IL1RAPL2: variants seen among roughly 807,000 people sequenced by gnomAD.
The protein encoded by IL1RAPL2 is interleukin 1 receptor accessory protein like 2.
In IL1RAPL2, 3 loss-of-function variants were observed where a neutral mutation model predicts 44.1. The observed-to-expected ratio is 0.07, with a 90% CI of 0.03 to 0.18. IL1RAPL2 has a LOEUF of 0.18. IL1RAPL2 is among the 10% of genes least tolerant of loss of function. The probability of loss-of-function intolerance (pLI) is 1.00; values close to 1 mark genes in which losing one functional copy is unlikely to be tolerated. For missense variants in IL1RAPL2, 391 were observed against 496.4 expected (o/e 0.79, Z 2.02); for synonymous variants, 181 against 178.8 (o/e 1.01, Z -0.10).
At chrX:104,902,249 A>G (rs1217784509) in intron 2 of IL1RAPL2, among the ~76,000 whole-genome samples, 2 of 112,154 alleles carry the variant, frequency 1.8e-5, no homozygotes, top group Non-Finnish European at 3.8e-5. Flanking sequence ...GATCTTTGAC[A>G]TAACAGAGAC....
chrX:105,582,692 G>GT (rs923770035), intron 6 of IL1RAPL2, among the ~76,000 whole-genome samples: 113 of 101,591 alleles, frequency 1.1e-3, no homozygotes, highest in African/African-American at 2.6e-3. Flanking sequence ...GCTGAGAGGT[G>GT]TTTTTTTTTT....
At chrX:105,641,638 C>T (rs1170516312) in intron 6 of IL1RAPL2, among the ~76,000 whole-genome samples, 3 of 111,631 alleles carry the variant, frequency 2.7e-5, no homozygotes, top group Non-Finnish European at 5.6e-5. Flanking sequence ...AATCTAAGGA[C>T]TTGATGATAG....
At chrX:105,346,706 G>A (rs968689756) in intron 5 of IL1RAPL2, among the ~76,000 whole-genome samples, 2 of 111,560 alleles carry the variant, frequency 1.8e-5, no homozygotes, top group Admixed American at 1.9e-4. Flanking sequence ...TTGACTGATC[G>A]GGGCTATTAT....
chrX:105,345,547 A>T (rs1050255178), intron 5 of IL1RAPL2, among the ~76,000 whole-genome samples: 1 of 108,574 alleles, frequency 9.2e-6, no homozygotes, highest in African/African-American at 3.5e-5. Flanking sequence ...TATTCATCTA[A>T]TTATCTGGAA....
At chrX:105,558,783 A>G (rs2036913128) in intron 6 of IL1RAPL2, among the ~76,000 whole-genome samples, 1 of 112,170 alleles carries the variant, frequency 8.9e-6, no homozygotes, top group Non-Finnish European at 1.9e-5. Context: ...TACTGAACAC[A>G]TTTTACATGT....
intron 2 of IL1RAPL2, among the ~76,000 whole-genome samples, chrX:104,910,379 T>A (rs1924196797): frequency 8.9e-6 from 1 of 112,292 alleles, no homozygotes; most frequent in Admixed American, 9.4e-5. Context: ...GGCTCCTCTC[T>A]AAATTATTCT....
In IL1RAPL2 at chrX:104,589,319, G is replaced by A. The variant is rs190715165; in HGVS notation, c.-20+22268G>A. Reference sequence around the variant, plus strand: ...AGAATGTGGAGTCTGATGTTCGAGGGCAGGAAGCATCCAGCACAGGAGAAA... The same window carrying A: ...AGAATGTGGAGTCTGATGTTCGAGGACAGGAAGCATCCAGCACAGGAGAAA... On this transcript the variant is annotated intron_variant, in intron 1 of 10. Transcript: ENST00000372582. Among the ~76,000 whole-genome samples the A allele has an allele frequency of 1.3e-3, 147 of 112,244 alleles. 1 individual carries two copies. Among genetic ancestry groups the A allele is most frequent in the African/African-American group, 4.6e-3 (141 of 30,930 alleles).
At chrX:104,812,632 G>C (rs1253418170) in intron 2 of IL1RAPL2, among the ~76,000 whole-genome samples, 1 of 111,501 alleles carries the variant, frequency 9.0e-6, no homozygotes, top group Non-Finnish European at 1.9e-5. Flanking sequence ...GATGAAAGCT[G>C]GTAATAGGTG....
chrX:104,854,042 G>C (rs1304161743), intron 2 of IL1RAPL2, among the ~76,000 whole-genome samples: 1 of 111,716 alleles, frequency 9.0e-6, no homozygotes, highest in Non-Finnish European at 1.9e-5. Flanking sequence ...GCATGAGAAT[G>C]ATCTGATGAA....
chrX:104,822,912 T>G (rs754994228), intron 2 of IL1RAPL2, among the ~76,000 whole-genome samples: 51 of 111,619 alleles, frequency 4.6e-4, no homozygotes, highest in Non-Finnish European at 8.1e-4. Flanking sequence ...TTCCATTTGT[T>G]TGTGTCCTCT....
chrX:104,569,435 ATTC>A (rs1928102662), intron 1 of IL1RAPL2, among the ~76,000 whole-genome samples: 2 of 111,970 alleles, frequency 1.8e-5, no homozygotes, highest in East Asian at 5.7e-4. Context: ...GTTGTAGAAC[ATTC>A]TTGTTTGCCA....
chrX:104,983,682 C>T (rs2030508035), intron 2 of IL1RAPL2, among the ~76,000 whole-genome samples: 1 of 97,819 alleles, frequency 1.0e-5, no homozygotes, highest in African/African-American at 3.7e-5. Flanking sequence ...ATATTATATA[C>T]ATAATATTAA....
intron 2 of IL1RAPL2, among the ~76,000 whole-genome samples, chrX:104,923,936 A>C (rs1417107745): frequency 9.1e-6 from 1 of 110,371 alleles, no homozygotes; most frequent in African/African-American, 3.3e-5. Flanking sequence ...AAAGACACCT[A>C]CATGCTCAAA....
At chrX:104,838,628 G>A (rs1921807811) in intron 2 of IL1RAPL2, among the ~76,000 whole-genome samples, 1 of 110,534 alleles carries the variant, frequency 9.0e-6, no homozygotes, top group Non-Finnish European at 1.9e-5. Flanking sequence ...TTGGGGCTGA[G>A]ACGATGGGGT....
In IL1RAPL2 at chrX:104,677,830, C is replaced by T. The variant is rs184193820; in HGVS notation, c.82+18835C>T. On this transcript the variant is annotated intron_variant, in intron 2 of 10. Transcript: ENST00000372582. ...GTTTTTTAAGCTCGTCGGAAAAGCGCGGTATTCGGGTGGGAGTGACCCGAT... is the reference window on the plus strand; with the variant it reads ...GTTTTTTAAGCTCGTCGGAAAAGCGTGGTATTCGGGTGGGAGTGACCCGAT... Among the ~76,000 whole-genome samples the T allele has an allele frequency of 1.5e-3, 168 of 112,121 alleles. 1 individual carries two copies. Among genetic ancestry groups the T allele is most frequent in the Middle Eastern group, 4.7e-3 (1 of 215 alleles).
chrX:105,084,670 A>C lies in IL1RAPL2; in HGVS notation c.83-110805A>C, dbSNP rs571287092. Among the ~76,000 whole-genome samples the C allele has an allele frequency of 3.6e-5, 4 of 112,330 alleles. No homozygotes were observed. The South Asian group carries it at 1.1e-3, about 31-fold the overall frequency. On this transcript the variant is annotated intron_variant, in intron 2 of 10. Transcript: ENST00000372582. ...AGTGTTGTCTCAGATGAGACTTCGG[A>C]CTGTGGACTTCTGAGTTAATGCTGA...
At chrX:105,167,119 T>G (rs891663165) in intron 2 of IL1RAPL2, among the ~76,000 whole-genome samples, 1 of 112,303 alleles carries the variant, frequency 8.9e-6, no homozygotes, top group Non-Finnish European at 1.9e-5. Flanking sequence ...TTCTCTCATC[T>G]CTTATCTGAA....
chrX:104,876,704 C>T (rs928225076), intron 2 of IL1RAPL2, among the ~76,000 whole-genome samples: 4 of 62,438 alleles, frequency 6.4e-5, no homozygotes, highest in African/African-American at 2.5e-4. Context: ...ATTTTTTTCT[C>T]TGTAACAATT....
At chrX:105,552,466 T>C (rs1232184561) in intron 6 of IL1RAPL2, among the ~76,000 whole-genome samples, 2 of 112,387 alleles carry the variant, frequency 1.8e-5, no homozygotes, top group Non-Finnish European at 3.8e-5. Flanking sequence ...AAATCTAGAA[T>C]ACACATAACT....
Sources: gnomAD v4.1 joint callset for allele counts (sites outside exome capture counted in the v4.1 genomes callset) on GRCh38, gnomAD v4.1.1 for gene constraint, MANE v1.5 for transcripts, NCBI Gene and HGNC (gene_info 2026-07-23, HGNC 2026-07-21) for gene names.